Variants in BANK1 observed in about 807,000 individuals in gnomAD.
The protein encoded by BANK1 is B-cell scaffold protein with ankyrin repeats.
In BANK1, 95 loss-of-function variants were observed where a neutral mutation model predicts 94.5. The ratio of observed to expected loss-of-function variants is 1.00; its 90% CI spans 0.85 to 1.19. The LOEUF (loss-of-function observed/expected upper bound fraction) is 1.19, where lower values mean the gene tolerates loss of function less well. BANK1 is among the 50% of genes most tolerant of loss of function. BANK1 has a pLI of 0.00. For synonymous variants in BANK1, 334 were observed against 308.4 expected (o/e 1.08, Z -0.87); for missense variants, 987 against 932.2 (o/e 1.06, Z -0.77).
At chr4:102,042,031 A>T (rs1178189589) in intron 10 of BANK1, among the ~76,000 whole-genome samples, 1 of 152,066 alleles carries the variant, frequency 6.6e-6, no homozygotes, top group East Asian at 1.9e-4. Flanking sequence ...TGAAGAATTT[A>T]TTATCTGAAT....
intron 7 of BANK1, among the ~76,000 whole-genome samples, chr4:101,948,786 T>C (rs1724030714): frequency 6.6e-6 from 1 of 152,052 alleles, no homozygotes; most frequent in South Asian, 2.1e-4. Flanking sequence ...AAAGCAAAAA[T>C]CACTTGTTAT....
chr4:101,866,162 GAATC>G (rs1421962782), intron 4 of BANK1, among the ~76,000 whole-genome samples: 3 of 151,794 alleles, frequency 2.0e-5, no homozygotes. Flanking sequence ...CTTTGAGAAA[GAATC>G]AACAGGAAAT....
At chr4:101,999,672 C>G (rs17031850) in intron 7 of BANK1, among the ~76,000 whole-genome samples, 2 of 152,124 alleles carry the variant, frequency 1.3e-5, no homozygotes, top group African/African-American at 2.4e-5. Context: ...ATAGGTGAAA[C>G]AAACCAATAT....
intron 1 of BANK1, among the ~76,000 whole-genome samples, chr4:101,811,840 G>T (rs1023219177): frequency 2.6e-5 from 4 of 152,002 alleles, no homozygotes; most frequent in African/African-American, 9.7e-5. Context: ...GTCTTAATGA[G>T]ATATTAGAAT....
chr4:101,991,852 TG>T (rs1481930121), intron 7 of BANK1, among the ~76,000 whole-genome samples: 2 of 152,198 alleles, frequency 1.3e-5, no homozygotes, highest in Admixed American at 6.5e-5. Context: ...CATGTCTGGT[TG>T]GGTCATCTCT....
At chr4:101,903,022 A>T (rs1722332612) in intron 6 of BANK1, among the ~76,000 whole-genome samples, 1 of 152,248 alleles carries the variant, frequency 6.6e-6, no homozygotes, top group South Asian at 2.1e-4. Flanking sequence ...AAATCACATT[A>T]ATGGGCATAT....
At chr4:101,985,196 C>A (rs909699430) in intron 7 of BANK1, among the ~76,000 whole-genome samples, 3 of 152,144 alleles carry the variant, frequency 2.0e-5, no homozygotes, top group Non-Finnish European at 4.4e-5. Context: ...AAGAGAAGAT[C>A]AACATCCCAA....
chr4:101,948,447 T>C (rs996578807), intron 7 of BANK1, among the ~76,000 whole-genome samples: 1 of 152,148 alleles, frequency 6.6e-6, no homozygotes, highest in East Asian at 1.9e-4. Context: ...ATACATTTGA[T>C]TTAGATTTTA....
rs577564282 is a variant in BANK1 at position 102,029,391 on chromosome 4, C to T, written c.1595-569C>T. ...AGCAATATGAAACATGAAACAACTT[C>T]AAATGAAAAAAAAAATCTAAGAATA... is the stretch of plus-strand genomic sequence containing the variant. On this transcript the variant is annotated intron_variant, in intron 9 of 16. Transcript: ENST00000322953. 1.0e-4 allele frequency among the ~76,000 whole-genome samples: 15 copies of T among 149,014 alleles called. No homozygotes were observed. In the South Asian group the frequency reaches 2.7e-3, roughly 27 times the overall value.
intron 11 of BANK1, among the ~76,000 whole-genome samples, chr4:102,055,284 G>T (rs1197935155): frequency 6.6e-6 from 1 of 151,782 alleles, no homozygotes; most frequent in Non-Finnish European, 1.5e-5. Context: ...AAAACATGAT[G>T]ATTTCAGTTG....
At chr4:101,909,487 C>A (rs915228979) in intron 6 of BANK1, among the ~76,000 whole-genome samples, 1 of 152,168 alleles carries the variant, frequency 6.6e-6, no homozygotes, top group Non-Finnish European at 1.5e-5. Flanking sequence ...CACATGTATA[C>A]ATATGTGACA....
rs559283524 is a variant in BANK1, at chr4:101,869,103, C to A, written c.764-1402C>A. Among the ~76,000 whole-genome samples, 27 of 151,906 alleles carry A rather than the reference C, an allele frequency of 1.8e-4. 1 individual carries two copies. The South Asian group carries it at 5.6e-3, about 32-fold the overall frequency. ...TGTATCAAAAAACTACCAAGCAAAT[C>A]TCACCATATACCTCTCCTGATTCAT... On this transcript the variant is annotated intron_variant, in intron 4 of 16. Coordinates refer to ENST00000322953, the MANE Select transcript of BANK1 (RefSeq NM_017935.5).
At chr4:101,848,492 A>T in intron 2 of BANK1, among the ~76,000 whole-genome samples, 1 of 152,142 alleles carries the variant, frequency 6.6e-6, no homozygotes, top group Non-Finnish European at 1.5e-5. Flanking sequence ...ATCACTAAAA[A>T]CACTCCAGTT....
chr4:101,802,104 C>T (rs4414958), intron 1 of BANK1, among the ~76,000 whole-genome samples: 24,099 of 152,124 alleles, frequency 0.16, 2,392 homozygotes, highest in South Asian at 0.29. Context: ...GGCATAGGCC[C>T]GGGGATAGAG....
chr4:101,806,189 ATTACT>A (rs962150116), intron 1 of BANK1, among the ~76,000 whole-genome samples: 5 of 152,056 alleles, frequency 3.3e-5, no homozygotes, highest in African/African-American at 9.7e-5. Flanking sequence ...TTTTTTATAC[ATTACT>A]TTTATTAGTT....
chr4:102,066,836 GAC>G (rs1357324993), intron 13 of BANK1, among the ~76,000 whole-genome samples: 1 of 152,036 alleles, frequency 6.6e-6, no homozygotes, highest in Non-Finnish European at 1.5e-5. Context: ...TTACTTCAAA[GAC>G]AATTGTTTAA....
At chr4:101,940,808 A>G (rs191977517) in intron 7 of BANK1, among the ~76,000 whole-genome samples, 13 of 151,860 alleles carry the variant, frequency 8.6e-5, no homozygotes, top group African/African-American at 2.9e-4. Flanking sequence ...TTGCTGATGG[A>G]TGTTTCCCTC....
chr4:101,944,039 TGAGAGA>T (rs796144955), intron 7 of BANK1, among the ~76,000 whole-genome samples: 5 of 126,814 alleles, frequency 3.9e-5, no homozygotes, highest in African/African-American at 1.4e-4. Flanking sequence ...TGTGTGTGTG[TGAGAGA>T]GAGAGAGAGA....
chr4:101,791,491 G>A (rs1420333681), intron 1 of BANK1, among the ~76,000 whole-genome samples: 1 of 152,110 alleles, frequency 6.6e-6, no homozygotes, highest in Non-Finnish European at 1.5e-5. Context: ...TACTAACTTG[G>A]TCAAAGGAAA....
Sources: gnomAD v4.1 joint callset for allele counts (sites outside exome capture counted in the v4.1 genomes callset) on GRCh38, gnomAD v4.1.1 for gene constraint, MANE v1.5 for transcripts, NCBI Gene and HGNC (gene_info 2026-07-23, HGNC 2026-07-21) for gene names.